Variants in DLG2 observed in about 807,000 individuals in gnomAD.
DLG2 encodes disks large homolog 2.
Under a neutral mutation model 132.5 loss-of-function variants are expected in DLG2, and 45 were observed. That is an observed-to-expected ratio of 0.34 (90% CI 0.27 to 0.44). The LOEUF is 0.44. DLG2 is among the 20% of genes least tolerant of loss of function. The pLI is 1.00. For missense variants in DLG2, 1,045 were observed against 1,196.9 expected, an observed-to-expected ratio of 0.87 and a Z score of 1.87; for synonymous variants, 424 against 419.6, an observed-to-expected ratio of 1.01 and a Z score of -0.13.
At chr11:85,315,189 C>G (rs2080575260) in intron 3 of DLG2, among the ~76,000 whole-genome samples, 1 of 152,004 alleles carries the variant, frequency 6.6e-6, no homozygotes, top group Non-Finnish European at 1.5e-5. Context: ...CTGGCAGGTT[C>G]ATCACTGAGC....
intron 2 of DLG2, among the ~76,000 whole-genome samples, chr11:85,599,600 A>G (rs2080012527): frequency 1.3e-5 from 2 of 152,144 alleles, no homozygotes; most frequent in South Asian, 4.1e-4. Flanking sequence ...TGATTAGACA[A>G]TATATGCACA....
At chr11:84,095,950 G>A (rs966516593) in intron 10 of DLG2, among the ~76,000 whole-genome samples, 3 of 152,096 alleles carry the variant, frequency 2.0e-5, no homozygotes, top group African/African-American at 7.2e-5. Flanking sequence ...AGACCAATGG[G>A]TAGAGGCCAA....
chr11:84,076,913 C>T (rs1230098464), intron 10 of DLG2, among the ~76,000 whole-genome samples: 1 of 152,208 alleles, frequency 6.6e-6, no homozygotes, highest in Non-Finnish European at 1.5e-5. Context: ...GATTTCTATA[C>T]TTTACTGCAT....
chr11:84,184,726 C>T (rs1446986265), intron 8 of DLG2, among the ~76,000 whole-genome samples: 3 of 152,100 alleles, frequency 2.0e-5, no homozygotes, highest in East Asian at 3.9e-4. Flanking sequence ...AGTCTTTAAT[C>T]CATCTTGAAT....
chr11:84,730,845 T>C (rs1288190988), intron 6 of DLG2, among the ~76,000 whole-genome samples: 1 of 152,020 alleles, frequency 6.6e-6, no homozygotes. Context: ...GATTACTCAA[T>C]GAAACAATTC....
At chr11:83,667,701 C>T (rs529609330) in intron 18 of DLG2, among the ~76,000 whole-genome samples, 8 of 152,106 alleles carry the variant, frequency 5.3e-5, no homozygotes, top group African/African-American at 1.4e-4. Context: ...AGGAAGAGGC[C>T]GGGCGCAGTG....
At chr11:84,251,333 T>C in intron 7 of DLG2, 42 bp from the exon 8 acceptor site, 2 of 1,395,186 alleles carry the variant, frequency 1.4e-6, no homozygotes, top group Non-Finnish European at 2.0e-6. Flanking sequence ...ATGAATAGTG[T>C]ATTCTGAGAC....
At chr11:85,286,002 A>G in intron 3 of DLG2, 1 of 349,586 alleles carries the variant, frequency 2.9e-6, no homozygotes. Context: ...AGAGGATCCC[A>G]AGATGAAATG....
At chr11:83,912,225 C>T (rs980043442) in intron 15 of DLG2, among the ~76,000 whole-genome samples, 1 of 151,856 alleles carries the variant, frequency 6.6e-6, no homozygotes, top group Non-Finnish European at 1.5e-5. Flanking sequence ...TCAGGGACAT[C>T]ACAAAAACCA....
At chr11:84,646,520 T>C (rs896919009) in intron 6 of DLG2, among the ~76,000 whole-genome samples, 15 of 152,084 alleles carry the variant, frequency 9.9e-5, no homozygotes, top group African/African-American at 3.1e-4. Flanking sequence ...TCTGCAGACT[T>C]CTCATCACCC....
intron 6 of DLG2, among the ~76,000 whole-genome samples, chr11:85,013,143 C>T (rs562960979): frequency 6.6e-6 from 1 of 152,224 alleles, no homozygotes; most frequent in East Asian, 1.9e-4. Context: ...GTTTATCATC[C>T]CTATTGAGAT....
chr11:83,733,330 T>A (rs190316682), intron 18 of DLG2, among the ~76,000 whole-genome samples: 1 of 149,144 alleles, frequency 6.7e-6, no homozygotes, highest in East Asian at 2.0e-4. Flanking sequence ...GCTCTGTGAG[T>A]CACTAATAAA....
At chr11:84,050,805 T>C (rs1279454295) in intron 11 of DLG2, among the ~76,000 whole-genome samples, 1 of 151,922 alleles carries the variant, frequency 6.6e-6, no homozygotes, top group African/African-American at 2.4e-5. Flanking sequence ...TTTTGTCAGG[T>C]TTGTCAAAGA....
chr11:84,033,102 T>C lies in DLG2; in HGVS notation c.919+26213A>G, dbSNP rs115545231. The stretch of plus-strand genomic sequence containing the variant: ...ATGTCCACTAACACGATATCCATTC[T>C]ACAGCCCATGGATCAAGGGGTAATT... On this transcript the variant is annotated intron_variant, in intron 11 of 27. Coordinates refer to ENST00000376104, the MANE Select transcript of DLG2 (RefSeq NM_001142699.3). Among the ~76,000 whole-genome samples, 201 of 152,346 alleles carry C rather than the reference T, an allele frequency of 1.3e-3. 1 individual carries two copies. The highest frequency in any genetic ancestry group is 4.6e-3 in the African/African-American group (193 of 41,584).
chr11:84,105,772 G>A (rs2092864398), intron 9 of DLG2, among the ~76,000 whole-genome samples: 1 of 151,996 alleles, frequency 6.6e-6, no homozygotes, highest in Admixed American at 6.6e-5. Context: ...ATATTGAAAT[G>A]GTATATTCCT....
intron 11 of DLG2, among the ~76,000 whole-genome samples, chr11:84,025,460 A>T (rs2095513728): frequency 6.6e-6 from 1 of 152,182 alleles, no homozygotes; most frequent in Admixed American, 6.6e-5. Context: ...GGACACAGCC[A>T]AACCATATCA....
At chr11:84,995,421 T>C (rs568752272) in intron 6 of DLG2, among the ~76,000 whole-genome samples, 1 of 152,282 alleles carries the variant, frequency 6.6e-6, no homozygotes, top group Admixed American at 6.5e-5. Context: ...TTAACAGTGC[T>C]CATCATAGCT....
intron 11 of DLG2, among the ~76,000 whole-genome samples, chr11:83,995,770 T>C (rs1377997577): frequency 6.6e-6 from 1 of 152,146 alleles, no homozygotes; most frequent in South Asian, 2.1e-4. Flanking sequence ...TGGATATCCA[T>C]AGGCAGAAGA....
At chr11:83,793,963 T>G (rs1177968777) in intron 17 of DLG2, among the ~76,000 whole-genome samples, 5 of 152,166 alleles carry the variant, frequency 3.3e-5, no homozygotes, top group African/African-American at 1.2e-4. Context: ...ACTTATACAT[T>G]AGAGATGAAC....
Sources: allele counts gnomAD v4.1 joint callset (sites outside exome capture counted in the v4.1 genomes callset), GRCh38; gene constraint gnomAD v4.1.1; transcripts MANE v1.5; gene names NCBI Gene and HGNC (gene_info 2026-07-23, HGNC 2026-07-21).